TJP1: variants seen among roughly 807,000 people sequenced by gnomAD.
The protein encoded by TJP1 is tight junction protein ZO-1.
TJP1 carries 43 observed loss-of-function variants against 194.2 expected under a neutral mutation model. The ratio of observed to expected loss-of-function variants is 0.22; its 90% CI spans 0.17 to 0.29. The LOEUF is 0.29. Ranked by LOEUF, TJP1 falls within the 10% of genes least tolerant of loss-of-function variation. The pLI, the probability that TJP1 is intolerant of heterozygous loss-of-function variation, is 1.00. For synonymous variants in TJP1, 801 were observed against 779.0 expected, an observed-to-expected ratio of 1.03 and a Z score of -0.47; for missense variants, 1,971 against 2,185.7, an observed-to-expected ratio of 0.90 and a Z score of 1.96.
At chr15:29,901,596 T>C (rs940051915) in intron 2 of TJP1, among the ~76,000 whole-genome samples, 2 of 151,896 alleles carry the variant, frequency 1.3e-5, no homozygotes, top group African/African-American at 4.8e-5. Context: ...CCAAGGCGGG[T>C]GGATCACCTG....
chr15:29,912,852 G>A (rs934730153), intron 2 of TJP1, among the ~76,000 whole-genome samples: 11 of 152,174 alleles, frequency 7.2e-5, no homozygotes, highest in Middle Eastern at 3.4e-3. Context: ...GAATGCTACC[G>A]TATGTAAATT....
chr15:29,701,807 T>C (rs779950707), intron 27 of TJP1, 118 bp from the exon 28 acceptor site: 15 of 705,362 alleles, frequency 2.1e-5, no homozygotes, highest in Non-Finnish European at 3.5e-5. Flanking sequence ...TTCTTCAGCA[T>C]ATTGAATTTG....
intron 8 of TJP1, among the ~76,000 whole-genome samples, chr15:29,753,450 C>T: frequency 7.5e-6 from 1 of 133,472 alleles, no homozygotes; most frequent in Admixed American, 8.4e-5. Context: ...TGCCACTGCA[C>T]TCCAGCCTGG....
chr15:29,771,380 C>T (rs946775899), intron 4 of TJP1, among the ~76,000 whole-genome samples: 12 of 152,162 alleles, frequency 7.9e-5, no homozygotes, highest in Middle Eastern at 6.8e-3. Flanking sequence ...TATCTAAACA[C>T]GGTAAAGGTA....
At chr15:29,851,778 T>C (rs1469890525) in intron 2 of TJP1, among the ~76,000 whole-genome samples, 1 of 152,248 alleles carries the variant, frequency 6.6e-6, no homozygotes, top group East Asian at 1.9e-4. Flanking sequence ...GAAATAATCC[T>C]ATGCAAATAT....
chr15:29,949,415 TC>T (rs2055462740), intron 2 of TJP1, among the ~76,000 whole-genome samples: 1 of 109,192 alleles, frequency 9.2e-6, no homozygotes, highest in African/African-American at 3.6e-5. Flanking sequence ...AACCACCACC[TC>T]TACCTCCACA....
chr15:29,733,383 G>A, intron 12 of TJP1, 70 bp from the exon 13 acceptor site: 1 of 1,042,848 alleles, frequency 9.6e-7, no homozygotes, highest in Non-Finnish European at 1.4e-6. Flanking sequence ...AGTACATTAT[G>A]TAAAGATGCT....
intron 8 of TJP1, among the ~76,000 whole-genome samples, chr15:29,748,922 A>ATGTGTGTGTGTG (rs112772922): frequency 5.3e-4 from 55 of 104,684 alleles, no homozygotes; most frequent in African/African-American, 1.3e-3. Context: ...AAGCTTAAAA[A>ATGTGTGTGTGTG]TGTGTGTGTG....
chr15:29,921,590 C>T (rs1750472129), intron 2 of TJP1, among the ~76,000 whole-genome samples: 1 of 152,182 alleles, frequency 6.6e-6, no homozygotes, highest in South Asian at 2.1e-4. Context: ...GCCATGGTTC[C>T]TGTGGGCTTG....
intron 1 of TJP1, among the ~76,000 whole-genome samples, chr15:29,810,459 C>T (rs1217514722): frequency 6.6e-6 from 1 of 152,146 alleles, no homozygotes; most frequent in Non-Finnish European, 1.5e-5. Context: ...CTGGCTATTC[C>T]AGCAACTGCT....
At chr15:29,771,566 G>C (rs577543010) in intron 4 of TJP1, among the ~76,000 whole-genome samples, 77 of 152,256 alleles carry the variant, frequency 5.1e-4, no homozygotes, top group African/African-American at 1.8e-3. Flanking sequence ...AGCACTTTGG[G>C]AGGCCGAGGC....
intron 11 of TJP1, 68 bp downstream of exon 11, chr15:29,737,193 CTTG>C (rs2044091071): frequency 1.3e-6 from 2 of 1,547,286 alleles, no homozygotes; most frequent in African/African-American, 1.4e-5. Flanking sequence ...CAATAGTAAG[CTTG>C]TTGTTTGATA....
chr15:29,901,854 C>T (rs1448587114), intron 2 of TJP1, among the ~76,000 whole-genome samples: 3 of 150,402 alleles, frequency 2.0e-5, no homozygotes, highest in Admixed American at 6.6e-5. Flanking sequence ...CTTTTAATAA[C>T]ATTACTCAAT....
chr15:29,904,479 T>A (rs772287306), intron 2 of TJP1, among the ~76,000 whole-genome samples: 1 of 151,348 alleles, frequency 6.6e-6, no homozygotes, highest in Non-Finnish European at 1.5e-5. Flanking sequence ...TTCACAAAAA[T>A]AAACTACAGA....
intron 2 of TJP1, among the ~76,000 whole-genome samples, chr15:29,789,032 CTCA>C (rs2047898392): frequency 6.6e-6 from 1 of 152,116 alleles, no homozygotes; most frequent in Admixed American, 6.5e-5. Context: ...GTAAGATCAA[CTCA>C]TCAATTTTTA....
At chr15:29,865,655 C>G (rs1380860124) in intron 2 of TJP1, among the ~76,000 whole-genome samples, 1 of 152,206 alleles carries the variant, frequency 6.6e-6, no homozygotes, top group Non-Finnish European at 1.5e-5. Flanking sequence ...GAATACTACT[C>G]TCCTGAGGAG....
chr15:29,737,651 A>G (rs933200171), intron 10 of TJP1, among the ~76,000 whole-genome samples: 3 of 152,226 alleles, frequency 2.0e-5, no homozygotes, highest in Non-Finnish European at 4.4e-5. Context: ...ACTATTTTAC[A>G]TAACTAATTT....
At position 29,822,023 on chromosome 15, in the gene TJP1, GGACATCTT is replaced by G; in HGVS notation, c.-3_5del. 7.4e-7 allele frequency: 1 copy of G among 1,355,292 alleles called. No homozygotes were observed. The highest frequency in any genetic ancestry group is 9.5e-7 in the Non-Finnish European group (1 of 1,050,706). The allele number at this position is 1,355,292 out of a possible 1,614,324, so 84.0% of individuals were successfully genotyped here. ...TCACCTTGGCGGCCGCAGCTCTGGC[GGACATCTT>G]GTCTCTCTCCAGCGCCGCGCGAGGC... On this transcript the variant is annotated start_lost and 5_prime_UTR_variant, in exon 1 of 28. Transcript: ENST00000614355.
chr15:29,758,837 A>G (rs954251724), intron 8 of TJP1: 1 of 152,212 alleles, frequency 6.6e-6, no homozygotes, highest in African/African-American at 2.4e-5. Context: ...TACACGTAAC[A>G]TGCCATAATA....
Sources: gnomAD v4.1 joint callset for allele counts (sites outside exome capture counted in the v4.1 genomes callset) on GRCh38, gnomAD v4.1.1 for gene constraint, MANE v1.5 for transcripts, NCBI Gene and HGNC (gene_info 2026-07-23, HGNC 2026-07-21) for gene names.